MYO18A: variants seen among roughly 807,000 people sequenced by gnomAD.
The protein encoded by MYO18A is myosin XVIIIA.
In MYO18A, 78 loss-of-function variants were observed where a neutral mutation model predicts 235.8. The ratio of observed to expected loss-of-function variants is 0.33; its 90% CI spans 0.28 to 0.40. MYO18A has a LOEUF of 0.40. Among genes scored for constraint, MYO18A ranks in the 10% least tolerant of loss-of-function variants. The probability of loss-of-function intolerance (pLI) is 1.00; values close to 1 mark genes in which losing one functional copy is unlikely to be tolerated. For missense variants in MYO18A, 2,215 were observed against 2,699.3 expected (o/e 0.82, Z 3.98); for synonymous variants, 977 against 1,077.8 (o/e 0.91, Z 1.83).
At position 29,126,885 on chromosome 17, in the gene MYO18A, T is replaced by C. The variant is rs1220910200; in HGVS notation, c.1000-4632A>G. 6.6e-6 allele frequency among the ~76,000 whole-genome samples: 1 copy of C among 152,170 alleles called. No individual in the cohort carries two copies. The highest frequency in any genetic ancestry group is 2.4e-5 in the African/African-American group (1 of 41,438). ...ACCCAGAGAACACTTTCTGGGAAGA[T>C]AGGGTTGCCCCTATATCCCAAGGGG... On this transcript the variant is annotated intron_variant, in intron 2 of 41. Transcript: ENST00000527372. This position sits in a 1 kb window ranked among gnomAD's most constrained non-coding sequence, Gnocchi z 4.1.
At chr17:29,137,091 A>T (rs1396586254) in intron 2 of MYO18A, 1 of 152,198 alleles carries the variant, frequency 6.6e-6, no homozygotes, top group Non-Finnish European at 1.5e-5. Flanking sequence ...CTTTCTAGAT[A>T]AGGAAATAAA....
intron 2 of MYO18A, among the ~76,000 whole-genome samples, chr17:29,154,021 A>G (rs1658933094): frequency 1.3e-5 from 2 of 152,212 alleles, no homozygotes. Context: ...TCCTCTGGAC[A>G]GAGAAGGTAA....
chr17:29,159,711 C>T (rs2068132735), intron 2 of MYO18A, among the ~76,000 whole-genome samples: 1 of 152,156 alleles, frequency 6.6e-6, no homozygotes, highest in Non-Finnish European at 1.5e-5. Context: ...ATCCTGCAGG[C>T]CCCACTCCTG....
chr17:29,105,919 C>T (rs918810420), intron 20 of MYO18A, among the ~76,000 whole-genome samples: 2 of 152,094 alleles, frequency 1.3e-5, no homozygotes, highest in South Asian at 2.1e-4. Flanking sequence ...GCTGGCGCTT[C>T]GGTGGGAGTT....
At position 29,120,512 on chromosome 17, in the gene MYO18A, G is replaced by A; in HGVS notation, c.1728+104C>T. Reference sequence around the variant, plus strand: ...CCCATGCCTGGGTCAATTTTGTTAGGGTAGAATCCCAGGAAAATGAGGCAT... The same window carrying A: ...CCCATGCCTGGGTCAATTTTGTTAGAGTAGAATCCCAGGAAAATGAGGCAT... On this transcript the variant is annotated intron_variant, in intron 7 of 41. Coordinates refer to ENST00000527372, the MANE Select transcript of MYO18A (RefSeq NM_078471.4). This position sits in a 1 kb window ranked among gnomAD's most constrained non-coding sequence, Gnocchi z 4.2. 3 of 1,430,546 alleles carry A rather than the reference G, an allele frequency of 2.1e-6. No homozygotes were observed. The highest frequency in any genetic ancestry group is 1.4e-5 in the South Asian group (1 of 71,452). 88.6% of individuals were successfully genotyped at this position (1,430,546 alleles called of 1,614,324 possible). A position where few individuals can be genotyped will look rare whatever the true frequency, so the allele number is the denominator to read the frequency against.
intron 13 of MYO18A, 120 bp from the exon 14 acceptor site, chr17:29,115,219 C>A: frequency 7.0e-7 from 1 of 1,426,952 alleles, no homozygotes; most frequent in Admixed American, 2.1e-5. Flanking sequence ...GGCATGCTGG[C>A]CTTGCTCATA....
At chr17:29,164,369 T>G (rs1567643123) in intron 2 of MYO18A, among the ~76,000 whole-genome samples, 1 of 152,184 alleles carries the variant, frequency 6.6e-6, no homozygotes, top group East Asian at 1.9e-4. Context: ...CTTCCCTGAC[T>G]AGCAAAGCTG....
At chr17:29,142,365 T>G (rs191045194) in intron 2 of MYO18A, among the ~76,000 whole-genome samples, 1 of 152,240 alleles carries the variant, frequency 6.6e-6, no homozygotes, top group African/African-American at 2.4e-5. Context: ...AATGAGTGAA[T>G]GAATGAATGA....
intron 41 of MYO18A, chr17:29,079,974 A>AGAGCGCCCCTTCTTCCGC (rs2066076651): frequency 1.0e-6 from 1 of 985,964 alleles, no homozygotes; most frequent in East Asian, 1.1e-4. Flanking sequence ...TGCTCTTCCG[A>AGAGCGCCCCTTCTTCCGC]GAGCGCCCCT....
At chr17:29,082,780 A>G (rs1308139845) in intron 40 of MYO18A, among the ~76,000 whole-genome samples, 1 of 152,162 alleles carries the variant, frequency 6.6e-6, no homozygotes, top group Non-Finnish European at 1.5e-5. Context: ...TCTGAGCTAA[A>G]AAGAGGAGCC....
rs990878908 is a variant in MYO18A, at chr17:29,120,939, C to G, written c.1585+59G>C. 5.7e-6 allele frequency: 9 copies of G among 1,568,406 alleles called. No individual in the cohort carries two copies. In the African/African-American group the frequency reaches 1.2e-4, roughly 21 times the overall value. On this transcript the variant is annotated intron_variant, in intron 6 of 41. Coordinates refer to ENST00000527372, the MANE Select transcript of MYO18A (RefSeq NM_078471.4). This position sits in a 1 kb window ranked among gnomAD's most constrained non-coding sequence, Gnocchi z 4.2. ...AAGAGCTGGCACTTAAGAGGGTGCT[C>G]TCTCCTCACTCCCCTCCCCTCACCC... is the stretch of plus-strand genomic sequence containing the variant.
chr17:29,132,749 A>C (rs1310486109), intron 2 of MYO18A, among the ~76,000 whole-genome samples: 2 of 152,242 alleles, frequency 1.3e-5, no homozygotes, highest in Non-Finnish European at 2.9e-5. Context: ...GTTAGCTCAC[A>C]ATGCCAAGGA....
intron 2 of MYO18A, chr17:29,124,680 A>C (rs771098615): frequency 2.3e-6 from 3 of 1,285,306 alleles, no homozygotes; most frequent in Non-Finnish European, 3.0e-6. Context: ...AGGCGGCCTC[A>C]GAGTCCAGCT....
Position 29,109,749 on chromosome 17 carries a change from A to G in MYO18A, c.3331+109T>C. On this transcript the variant is annotated intron_variant, in intron 19 of 41. Coordinates refer to ENST00000527372, the MANE Select transcript of MYO18A (RefSeq NM_078471.4). This position sits in a 1 kb window ranked among gnomAD's most constrained non-coding sequence, Gnocchi z 4.1. The stretch of plus-strand genomic sequence containing the variant: ...ACCAGAGCAGAAAGGATCGTGAGGA[A>G]AGACAGGAGCAGCCCCACTGCAGCC... The G allele has an allele frequency of 7.4e-7, 1 of 1,357,708 alleles. No individual in the cohort carries two copies. The allele number at this position is 1,357,708 out of a possible 1,614,324, so 84.1% of individuals were successfully genotyped here. A position where few individuals can be genotyped will look rare whatever the true frequency, so the allele number is the denominator to read the frequency against.
intron 2 of MYO18A, among the ~76,000 whole-genome samples, chr17:29,159,231 T>G (rs1342298601): frequency 6.6e-6 from 1 of 152,096 alleles, no homozygotes; most frequent in African/African-American, 2.4e-5. Flanking sequence ...TGCTTCGCCC[T>G]GACAGTCCCC....
At chr17:29,179,003 A>C (rs533784505) in intron 1 of MYO18A, among the ~76,000 whole-genome samples, 39 of 152,324 alleles carry the variant, frequency 2.6e-4, no homozygotes, top group African/African-American at 8.9e-4. Flanking sequence ...GGGGCTCCAA[A>C]AGACAAGACG....
rs1167507805 is a variant in MYO18A at position 29,103,722 on chromosome 17, CT to C, written c.3442-59del. ...CTGGGCCTCCCCTCACCATGCAGGG[CT>C]TTCTCCAGGCCCTTGGCCCTTCCCC... is the stretch of plus-strand genomic sequence containing the variant. On this transcript the variant is annotated intron_variant, in intron 20 of 41. Transcript: ENST00000527372. 3.8e-6 allele frequency: 6 copies of C among 1,561,170 alleles called. No individual in the cohort carries two copies. In the Admixed American group the frequency reaches 8.4e-5, roughly 22 times the overall value.
Position 29,111,897 on chromosome 17 carries a change from A to G in MYO18A, c.2599-34T>C. 6.3e-7 allele frequency: 1 copy of G among 1,594,526 alleles called. No homozygotes were observed. Among genetic ancestry groups the G allele is most frequent in the Non-Finnish European group, 8.5e-7 (1 of 1,169,722 alleles). The stretch of plus-strand genomic sequence containing the variant: ...AAGGAAGGAAATCCCTCCTTGTCAT[A>G]TGGAGCTGTGGGAAAGGGGCCAGGG... On this transcript the variant is annotated intron_variant, in intron 15 of 41. Transcript: ENST00000527372. This position sits in a 1 kb window ranked among gnomAD's most constrained non-coding sequence, Gnocchi z 5.1.
rs1203882224 is a variant in MYO18A at position 29,106,126 on chromosome 17, C to A, written c.3441+954G>T. 6.6e-6 allele frequency among the ~76,000 whole-genome samples: 1 copy of A among 152,078 alleles called. No homozygotes were observed. Among genetic ancestry groups the A allele is most frequent in the Non-Finnish European group, 1.5e-5 (1 of 68,014 alleles). ...GGACCAGCAGGCACGAGGCTGTGGT[C>A]AGAGAAGGCCATGCTGGGATTTATG... On this transcript the variant is annotated intron_variant, in intron 20 of 41. Coordinates refer to ENST00000527372, the MANE Select transcript of MYO18A (RefSeq NM_078471.4). This position sits in a 1 kb window ranked among gnomAD's most constrained non-coding sequence, Gnocchi z 4.6.
Sources: allele counts gnomAD v4.1 joint callset (sites outside exome capture counted in the v4.1 genomes callset), GRCh38; gene constraint gnomAD v4.1.1; non-coding constraint Gnocchi (gnomAD v3.1); transcripts MANE v1.5; gene names NCBI Gene and HGNC (gene_info 2026-07-23, HGNC 2026-07-21).